Variants in FAT3 observed in about 807,000 individuals in gnomAD.
The protein encoded by FAT3 is FAT atypical cadherin 3.
FAT3 carries 95 observed loss-of-function variants against 310.2 expected under a neutral mutation model. The ratio of observed to expected loss-of-function variants is 0.31; its 90% confidence interval spans 0.26 to 0.36. The LOEUF (loss-of-function observed/expected upper bound fraction) is 0.36. Among genes scored for constraint, FAT3 ranks in the 10% least tolerant of loss-of-function variants. The pLI, the probability that FAT3 is intolerant of heterozygous loss-of-function variation, is 1.00. For synonymous variants in FAT3, 2,314 were observed against 2,192.9 expected (o/e 1.06, Z -1.54); for missense variants, 5,408 against 5,715.6 (o/e 0.95, Z 1.74).
At chr11:92,574,558 AC>A (rs1938367283) in intron 3 of FAT3, among the ~76,000 whole-genome samples, 1 of 152,144 alleles carries the variant, frequency 6.6e-6, no homozygotes, top group African/African-American at 2.4e-5. Context: ...AGTCCCCATA[AC>A]AGGGGGAGGA....
In FAT3 at chr11:92,473,268, A is replaced by G. The variant is rs527874476; in HGVS notation, c.3293-51366A>G. ...TTACCATAGAGCAGGCACTCAGTAA[A>G]TGTTTGTTAATTTAATTGGAATTAG... On this transcript the variant is annotated intron_variant, in intron 2 of 27. Coordinates refer to ENST00000525166, the MANE Select transcript of FAT3 (RefSeq NM_001367949.2). 1.8e-4 allele frequency among the ~76,000 whole-genome samples: 27 copies of G among 152,248 alleles called. No individual in the cohort carries two copies. In the South Asian group the frequency reaches 5.4e-3, roughly 30 times the overall value.
chr11:92,765,534 A>G (rs994363916), intron 6 of FAT3, among the ~76,000 whole-genome samples: 1 of 151,762 alleles, frequency 6.6e-6, no homozygotes, highest in South Asian at 2.1e-4. Flanking sequence ...GAGATGTTCT[A>G]TATTCTACAG....
chr11:92,428,270 C>CT (rs753840202), intron 2 of FAT3, among the ~76,000 whole-genome samples: 126 of 145,464 alleles, frequency 8.7e-4, no homozygotes, highest in Non-Finnish European at 1.6e-3. Flanking sequence ...CTGTTTTCTT[C>CT]TTTGTTAGTC....
intron 1 of FAT3, among the ~76,000 whole-genome samples, chr11:92,298,531 AATAATAGCAGC>A (rs1244810270): frequency 5.3e-5 from 8 of 152,126 alleles, no homozygotes; most frequent in Non-Finnish European, 1.0e-4. Flanking sequence ...ATGAAGTAAC[AATAATAGCAGC>A]ATAAAGGAAG....
chr11:92,491,315 A>G (rs74528681), intron 2 of FAT3, among the ~76,000 whole-genome samples: 2,033 of 152,098 alleles, frequency 0.013, 39 homozygotes, highest in African/African-American at 0.046. Flanking sequence ...TACTATGGGT[A>G]TCTAATGGAT....
intron 1 of FAT3, chr11:92,336,447 A>G (rs1403397742): frequency 1.6e-5 from 5 of 313,454 alleles, no homozygotes; most frequent in Admixed American, 4.3e-5. Flanking sequence ...TTGCATCACC[A>G]CTGCCGCCAA....
chr11:92,633,998 T>C (rs1324138265), intron 3 of FAT3, among the ~76,000 whole-genome samples: 1 of 152,214 alleles, frequency 6.6e-6, no homozygotes, highest in Non-Finnish European at 1.5e-5. Context: ...GAGTATGTGC[T>C]GATCATGGTA....
At chr11:92,363,181 C>T (rs1484866855) in intron 2 of FAT3, among the ~76,000 whole-genome samples, 1 of 152,134 alleles carries the variant, frequency 6.6e-6, no homozygotes, top group Non-Finnish European at 1.5e-5. Flanking sequence ...AATTGAGTAG[C>T]TTTTATTTAT....
At chr11:92,876,889 A>C (rs764131697) in intron 22 of FAT3, among the ~76,000 whole-genome samples, 4 of 152,226 alleles carry the variant, frequency 2.6e-5, no homozygotes, top group South Asian at 2.1e-4. Flanking sequence ...GTCACTGACA[A>C]ATTTGAAGAG....
Position 92,799,219 on chromosome 11 carries a change from T to C in FAT3, c.6206T>C (p.Val2069Ala). Residue 2069 changes from valine to alanine, a missense_variant, in exon 10 of 28, where the codon GTG becomes GCG. Val to Ala is a moderately conservative substitution (Grantham distance 64). Transcript: ENST00000525166. Reference protein sequence around the residue: ...ELDHLRVARVVVRVNIEDIND... With the variant: ...ELDHLRVARVAVRVNIEDIND... ...GACCATCTGCGTGTGGCCAGAGTGGTGGTCAGGGTTAACATTGAAGACATA... is the reference window on the plus strand; with the variant it reads ...GACCATCTGCGTGTGGCCAGAGTGGCGGTCAGGGTTAACATTGAAGACATA... 5 of 1,613,840 alleles carry C rather than the reference T, an allele frequency of 3.1e-6. No individual in the cohort carries two copies. Among genetic ancestry groups the C allele is most frequent in the Non-Finnish European group, 4.2e-6 (5 of 1,179,830 alleles).
intron 4 of FAT3, 99 bp downstream of exon 4, chr11:92,697,544 G>A: frequency 8.8e-7 from 1 of 1,141,730 alleles, no homozygotes. Context: ...TTGAACAGTG[G>A]ATATCAAAGT....
chr11:92,604,510 A>G (rs1940183647), intron 3 of FAT3, among the ~76,000 whole-genome samples: 1 of 152,138 alleles, frequency 6.6e-6, no homozygotes, highest in Admixed American at 6.5e-5. Context: ...AACTCATGCT[A>G]TCCTGCATGA....
At chr11:92,379,035 T>G (rs1949423217) in intron 2 of FAT3, among the ~76,000 whole-genome samples, 1 of 152,142 alleles carries the variant, frequency 6.6e-6, no homozygotes. Flanking sequence ...GTTCAGACAA[T>G]AGCAGTGTTT....
chr11:92,850,476 C>T (rs1485398582), intron 19 of FAT3, among the ~76,000 whole-genome samples: 2 of 152,158 alleles, frequency 1.3e-5, no homozygotes, highest in Non-Finnish European at 2.9e-5. Context: ...CAAGCAAACA[C>T]CATCTGGAGG....
intron 3 of FAT3, among the ~76,000 whole-genome samples, chr11:92,591,045 G>A (rs536541752): frequency 6.6e-6 from 1 of 152,184 alleles, no homozygotes; most frequent in African/African-American, 2.4e-5. Flanking sequence ...ATAAAAAATA[G>A]GGCAAACTAA....
chr11:92,518,235 T>A (rs904233056), intron 2 of FAT3, among the ~76,000 whole-genome samples: 6 of 152,146 alleles, frequency 3.9e-5, no homozygotes, highest in African/African-American at 1.4e-4. Context: ...TGCAGCACTA[T>A]TCACAATAGC....
intron 6 of FAT3, among the ~76,000 whole-genome samples, chr11:92,765,926 G>A (rs965732060): frequency 6.6e-6 from 1 of 151,932 alleles, no homozygotes; most frequent in East Asian, 1.9e-4. Flanking sequence ...ATGTATTTCA[G>A]CCCCTCTGTT....
intron 3 of FAT3, among the ~76,000 whole-genome samples, chr11:92,573,840 G>A (rs1376240665): frequency 6.6e-6 from 1 of 151,702 alleles, no homozygotes; most frequent in Non-Finnish European, 1.5e-5. Context: ...AGAACTGTGA[G>A]AAAAAAAATG....
At chr11:92,249,754 G>A (rs1355968715) in intron 1 of FAT3, among the ~76,000 whole-genome samples, 1 of 152,036 alleles carries the variant, frequency 6.6e-6, no homozygotes, top group African/African-American at 2.4e-5. Context: ...AAAAACCTGA[G>A]GTGCCAGCAG....
Sources: allele counts gnomAD v4.1 joint callset (sites outside exome capture counted in the v4.1 genomes callset), GRCh38; gene constraint gnomAD v4.1.1; transcripts MANE v1.5; gene names NCBI Gene and HGNC (gene_info 2026-07-23, HGNC 2026-07-21).